Variants in FGF14 observed in about 807,000 individuals in gnomAD.
FGF14 encodes the protein fibroblast growth factor homologous factor 4.
FGF14 carries 5 observed loss-of-function variants against 25.5 expected under a neutral mutation model. The ratio of observed to expected loss-of-function variants is 0.20; its 90% CI spans 0.10 to 0.41. The LOEUF is 0.41. Among genes scored for constraint, FGF14 ranks in the 10% least tolerant of loss-of-function variants. FGF14 has a pLI of 1.00. For synonymous variants in FGF14, 138 were observed against 118.3 expected, an observed-to-expected ratio of 1.17 and a Z score of -1.08; for missense variants, 222 against 320.1, an observed-to-expected ratio of 0.69 and a Z score of 2.34.
At chr13:102,240,035 T>C (rs1414767005) in intron 1 of FGF14, among the ~76,000 whole-genome samples, 1 of 152,168 alleles carries the variant, frequency 6.6e-6, no homozygotes, top group Non-Finnish European at 1.5e-5. Flanking sequence ...AAATGTGTTA[T>C]TTTACAATGG....
intron 1 of FGF14, among the ~76,000 whole-genome samples, chr13:101,957,769 T>C (rs1191526629): frequency 2.0e-5 from 3 of 152,072 alleles, no homozygotes; most frequent in Non-Finnish European, 4.4e-5. Context: ...TGCAAACACA[T>C]ATGAGACTCA....
At chr13:102,320,039 A>G (rs1191485223) in intron 1 of FGF14, among the ~76,000 whole-genome samples, 1 of 152,096 alleles carries the variant, frequency 6.6e-6, no homozygotes, top group African/African-American at 2.4e-5. Flanking sequence ...ACACACCTAT[A>G]TAGTTTCCAT....
At chr13:101,885,933 C>A (rs553033207) in intron 1 of FGF14, among the ~76,000 whole-genome samples, 6 of 152,236 alleles carry the variant, frequency 3.9e-5, no homozygotes, top group Admixed American at 6.5e-5. Flanking sequence ...TATAGTACAG[C>A]TTTGCAGGGG....
chr13:102,219,702 T>C (rs1468740676), intron 1 of FGF14, among the ~76,000 whole-genome samples: 1 of 152,168 alleles, frequency 6.6e-6, no homozygotes, highest in Non-Finnish European at 1.5e-5. Context: ...AATTCACAAT[T>C]CACAGTTCTG....
intron 1 of FGF14, among the ~76,000 whole-genome samples, chr13:101,963,807 TAC>T (rs1318443537): frequency 6.6e-6 from 1 of 152,196 alleles, no homozygotes; most frequent in Non-Finnish European, 1.5e-5. Context: ...TCATGGGAGA[TAC>T]AGAGACATTT....
At chr13:102,249,579 C>T (rs941378993) in intron 1 of FGF14, among the ~76,000 whole-genome samples, 5 of 137,098 alleles carry the variant, frequency 3.6e-5, no homozygotes, top group Non-Finnish European at 4.8e-5. Flanking sequence ...TGTGTGTGTA[C>T]GCGCACACAT....
chr13:102,076,276 T>C (rs2043360132), intron 1 of FGF14, among the ~76,000 whole-genome samples: 1 of 152,162 alleles, frequency 6.6e-6, no homozygotes. Flanking sequence ...TTTTATACCA[T>C]ATTTTAATGT....
At chr13:102,183,517 A>T (rs2048759194) in intron 1 of FGF14, among the ~76,000 whole-genome samples, 1 of 152,204 alleles carries the variant, frequency 6.6e-6, no homozygotes, top group Admixed American at 6.6e-5. Context: ...AGCATCTTTC[A>T]TTCAGTAATA....
At chr13:102,116,026 C>T (rs1356517129) in intron 1 of FGF14, among the ~76,000 whole-genome samples, 1 of 152,084 alleles carries the variant, frequency 6.6e-6, no homozygotes, top group African/African-American at 2.4e-5. Flanking sequence ...AGGAGAATTG[C>T]TTGAACCCAG....
chr13:101,992,141 C>G (rs2038943090), intron 1 of FGF14, among the ~76,000 whole-genome samples: 1 of 152,080 alleles, frequency 6.6e-6, no homozygotes, highest in Non-Finnish European at 1.5e-5. Flanking sequence ...CACCTCACCA[C>G]CATATAAATA....
chr13:102,273,746 A>G (rs1445514085), intron 1 of FGF14, among the ~76,000 whole-genome samples: 1 of 152,026 alleles, frequency 6.6e-6, no homozygotes, highest in Non-Finnish European at 1.5e-5. Flanking sequence ...GGAGTTTAGG[A>G]CCAGCCTGGC....
chr13:101,959,332 C>T (rs370731845), intron 1 of FGF14, among the ~76,000 whole-genome samples: 59 of 151,966 alleles, frequency 3.9e-4, no homozygotes, highest in Admixed American at 2.6e-4. Flanking sequence ...ACCCTCCTAC[C>T]GAGATACCCC....
intron 1 of FGF14, among the ~76,000 whole-genome samples, chr13:102,242,122 A>C (rs2051632799): frequency 6.6e-6 from 1 of 152,128 alleles, no homozygotes; most frequent in Admixed American, 6.6e-5. Context: ...GGCTAAAATA[A>C]AATGAAATAC....
chr13:101,820,799 CACACACA>C (rs1160688991), intron 3 of FGF14, among the ~76,000 whole-genome samples: 2 of 124,766 alleles, frequency 1.6e-5, no homozygotes, highest in African/African-American at 6.2e-5. Flanking sequence ...CACACACACA[CACACACA>C]ACACACACAC....
intron 1 of FGF14, among the ~76,000 whole-genome samples, chr13:101,888,445 A>T (rs1295993198): frequency 2.0e-5 from 3 of 152,118 alleles, no homozygotes; most frequent in African/African-American, 7.2e-5. Context: ...TATATACATG[A>T]ATGTGTGTGT....
chr13:101,772,459 T>C (rs755103896), intron 3 of FGF14, among the ~76,000 whole-genome samples: 2 of 152,136 alleles, frequency 1.3e-5, no homozygotes, highest in Non-Finnish European at 2.9e-5. Flanking sequence ...TGATTAATTA[T>C]GTCTTGGGTT....
chr13:101,826,096 T>C (rs1481365329), intron 3 of FGF14, among the ~76,000 whole-genome samples: 1 of 152,164 alleles, frequency 6.6e-6, no homozygotes, highest in Non-Finnish European at 1.5e-5. Context: ...TTTAAGCCTC[T>C]ATTGCCTTTG....
At chr13:101,943,345 A>G (rs2035573303) in intron 1 of FGF14, among the ~76,000 whole-genome samples, 1 of 152,222 alleles carries the variant, frequency 6.6e-6, no homozygotes, top group African/African-American at 2.4e-5. Context: ...GTCGAAAGAC[A>G]TGGATATAAA....
intron 1 of FGF14, among the ~76,000 whole-genome samples, chr13:101,960,439 A>G (rs1159519040): frequency 6.6e-6 from 1 of 152,178 alleles, no homozygotes; most frequent in Non-Finnish European, 1.5e-5. Flanking sequence ...GCACCCACTT[A>G]TAAGTGAAAA....
Sources: allele counts gnomAD v4.1 joint callset (sites outside exome capture counted in the v4.1 genomes callset), GRCh38; gene constraint gnomAD v4.1.1; transcripts MANE v1.5; gene names NCBI Gene and HGNC (gene_info 2026-07-23, HGNC 2026-07-21).